Variants in CCDC14 observed in about 807,000 individuals in gnomAD.
The protein encoded by CCDC14 is coiled-coil domain containing 14, also known as coiled-coil domain-containing protein 14.
In CCDC14, 71 loss-of-function variants were observed where a neutral mutation model predicts 81.4. The ratio of observed to expected loss-of-function variants is 0.87; its 90% confidence interval spans 0.72 to 1.06. CCDC14 has a LOEUF of 1.06. Among genes scored for constraint, CCDC14 ranks in the 50% least tolerant of loss-of-function variants. The pLI is 0.00. For synonymous variants in CCDC14, 332 were observed against 364.8 expected, an observed-to-expected ratio of 0.91 and a Z score of 1.03; for missense variants, 1,046 against 1,047.3, an observed-to-expected ratio of 1.00 and a Z score of 0.02.
intron 12 of CCDC14, among the ~76,000 whole-genome samples, chr3:123,920,651 A>T (rs978227745): frequency 2.0e-5 from 3 of 152,224 alleles, no homozygotes; most frequent in African/African-American, 7.2e-5. Flanking sequence ...ATGCTAAGGG[A>T]GTTCATCCTC....
chr3:123,919,630 C>A (rs1224344120), intron 12 of CCDC14, among the ~76,000 whole-genome samples: 1 of 152,188 alleles, frequency 6.6e-6, no homozygotes, highest in Non-Finnish European at 1.5e-5. Flanking sequence ...GGAGTACAGT[C>A]AATAGCTCCA....
downstream of CCDC14, among the ~76,000 whole-genome samples, chr3:123,894,029 G>T (rs948385810): frequency 1.8e-4 from 28 of 152,244 alleles, no homozygotes; most frequent in African/African-American, 6.5e-4. Context: ...TCATACCAAA[G>T]AAACTATTGC....
At chr3:123,949,259 C>T in intron 5 of CCDC14, 127 bp from the exon 6 acceptor site, 1 of 605,994 alleles carries the variant, frequency 1.7e-6, no homozygotes, top group Non-Finnish European at 2.9e-6. Flanking sequence ...AAGGGCTTTA[C>T]CACTATCACC....
At chr3:123,892,530 A>G (rs1176342166), downstream of CCDC14, among the ~76,000 whole-genome samples, 7 of 152,292 alleles carry the variant, frequency 4.6e-5, no homozygotes, top group South Asian at 1.2e-3. Flanking sequence ...GGCTCCACTC[A>G]TGCAAATTTC....
intron 5 of CCDC14, among the ~76,000 whole-genome samples, chr3:123,902,171 A>C (rs1056470051): frequency 6.6e-6 from 1 of 152,212 alleles, no homozygotes; most frequent in African/African-American, 2.4e-5. Context: ...TTATTTTGAA[A>C]ACTGGTAGAT....
chr3:123,885,904 TGA>T, the CCDC14 span, among the ~76,000 whole-genome samples: 2 of 152,190 alleles, frequency 1.3e-5, no homozygotes, highest in African/African-American at 4.8e-5. Context: ...TTGATTACCC[TGA>T]GATAGGAAAG....
At chr3:123,918,874 G>C (rs2034871151) in intron 12 of CCDC14, among the ~76,000 whole-genome samples, 1 of 152,206 alleles carries the variant, frequency 6.6e-6, no homozygotes, top group East Asian at 1.9e-4. Flanking sequence ...CAATAGCACT[G>C]CTTTGCAGAA....
chr3:123,952,091 G>A (rs1397678200), intron 5 of CCDC14, among the ~76,000 whole-genome samples: 4 of 152,074 alleles, frequency 2.6e-5, no homozygotes, highest in Non-Finnish European at 4.4e-5. Flanking sequence ...TTACACCAAC[G>A]CACTCTACAT....
chr3:123,931,201 G>C lies in CCDC14; in HGVS notation c.1679C>G (p.Ser560Cys). ...TTCAGCAGTTTCTAACTTAAACTGG[G>C]AGCTTTTCACATTGACTAGGGCTTC... is the stretch of plus-strand genomic sequence containing the variant. Reference protein sequence around the residue: ...LEEALVNVKSSQFKLETAEKE... With the variant: ...LEEALVNVKSCQFKLETAEKE... The change falls in exon 12 of 13, where the codon TCC (serine) becomes TGC (cysteine). Residue 560 changes from serine (S) to cysteine (C), a missense_variant. Transcript: ENST00000409697. 6.2e-7 allele frequency: 1 copy of C among 1,611,944 alleles called. No homozygotes were observed. The highest frequency in any genetic ancestry group is 8.5e-7 in the Non-Finnish European group (1 of 1,179,366).
At position 123,913,923 on chromosome 3, in the gene CCDC14, T is replaced by C. The variant is rs998681048; in HGVS notation, c.*856A>G. ...AGCAGAGAGACCAACCTACTTCATA[T>C]TATTTATAAAATAGAGAATATTCTC... On this transcript the variant is annotated 3_prime_UTR_variant, in exon 13 of 13. Coordinates refer to ENST00000409697, the MANE Select transcript of CCDC14 (RefSeq NM_001366335.1). 1 of 984,958 alleles carries C rather than the reference T, an allele frequency of 1.0e-6. No individual in the cohort carries two copies. The highest frequency in any genetic ancestry group is 1.1e-4 in the East Asian group (1 of 8,816). The allele number at this position is 984,958 out of a possible 1,614,324, so 61.0% of individuals were successfully genotyped here. A position where few individuals can be genotyped will look rare whatever the true frequency, so the allele number is the denominator to read the frequency against.
chr3:123,948,597 A>T, intron 7 of CCDC14, 94 bp downstream of exon 7: 1 of 924,184 alleles, frequency 1.1e-6, no homozygotes, highest in Non-Finnish European at 1.6e-6. Context: ...TTTAAATCCT[A>T]GTGCATTAAG....
intron 5 of CCDC14, among the ~76,000 whole-genome samples, chr3:123,907,054 C>T (rs2034327508): frequency 6.6e-6 from 1 of 152,178 alleles, no homozygotes; most frequent in Non-Finnish European, 1.5e-5. Context: ...TGACCAAACA[C>T]TTAGTCACAA....
At chr3:123,936,457 A>T (rs2036061025) in intron 9 of CCDC14, among the ~76,000 whole-genome samples, 1 of 152,104 alleles carries the variant, frequency 6.6e-6, no homozygotes, top group South Asian at 2.1e-4. Flanking sequence ...ATTTTCTGCC[A>T]TATGATGTAG....
intron 12 of CCDC14, among the ~76,000 whole-genome samples, chr3:123,929,200 C>A (rs534623670): frequency 6.6e-6 from 1 of 152,214 alleles, no homozygotes; most frequent in South Asian, 2.1e-4. Flanking sequence ...TGGCACTTGA[C>A]CATGCTGACT....
At chr3:123,885,187 A>T in the CCDC14 span, among the ~76,000 whole-genome samples, 6 of 152,066 alleles carry the variant, frequency 3.9e-5, no homozygotes, top group African/African-American at 9.7e-5. Context: ...GTTTTTAAAA[A>T]TTTTTTAATT....
At chr3:123,934,270 CAAAAAAAAAAAAA>C (rs61094944) in intron 9 of CCDC14, among the ~76,000 whole-genome samples, 1 of 52,276 alleles carries the variant, frequency 1.9e-5, no homozygotes, top group African/African-American at 8.5e-5. Context: ...GACTCTGCCT[CAAAAAAAAAAAAA>C]AAAAAAAAAA....
At chr3:123,885,466 C>T in the CCDC14 span, among the ~76,000 whole-genome samples, 1 of 120,664 alleles carries the variant, frequency 8.3e-6, no homozygotes, top group Non-Finnish European at 1.8e-5. Flanking sequence ...GCACCTTACC[C>T]CTCCCCCCAC....
intron 5 of CCDC14, among the ~76,000 whole-genome samples, chr3:123,903,055 G>A (rs2034210052): frequency 6.6e-6 from 1 of 151,992 alleles, no homozygotes. Flanking sequence ...ACTTATGAGT[G>A]AGAACATGCG....
At chr3:123,946,113 A>G (rs2036608848) in intron 8 of CCDC14, among the ~76,000 whole-genome samples, 1 of 151,560 alleles carries the variant, frequency 6.6e-6, no homozygotes, top group Admixed American at 6.6e-5. Flanking sequence ...ATGGTGCTAC[A>G]TTTATATAGC....
Sources: allele counts gnomAD v4.1 joint callset (sites outside exome capture counted in the v4.1 genomes callset), GRCh38; gene constraint gnomAD v4.1.1; transcripts MANE v1.5; gene names NCBI Gene and HGNC (gene_info 2026-07-23, HGNC 2026-07-21).